MYO15A: variants seen among roughly 807,000 people sequenced by gnomAD.
The protein encoded by MYO15A is unconventional myosin-XV.
A neutral mutation model predicts 394.6 loss-of-function variants in MYO15A; 308 were observed. The observed-to-expected ratio is 0.78, with a 90% CI of 0.71 to 0.86. The LOEUF is 0.86. MYO15A is among the 40% of genes least tolerant of loss of function. The probability of loss-of-function intolerance (pLI) is 0.00; values close to 1 mark genes in which losing one functional copy is unlikely to be tolerated. For synonymous variants in MYO15A, 1,957 were observed against 2,003.8 expected (o/e 0.98, Z 0.62); for missense variants, 4,606 against 4,799.1 (o/e 0.96, Z 1.19).
intron 60 of MYO15A, chr17:18,164,901 A>C (rs2046830747): frequency 6.7e-6 from 1 of 148,870 alleles, no homozygotes; most frequent in Non-Finnish European, 1.5e-5. Flanking sequence ...GCACTCTGAG[A>C]GGCCGAGGCG....
chr17:18,121,164 C>A lies in MYO15A; in HGVS notation c.2364C>A (p.Tyr788Ter). 6.6e-7 allele frequency: 1 copy of A among 1,517,418 alleles called. No homozygotes were observed. Among genetic ancestry groups the A allele is most frequent in the Non-Finnish European group, 8.8e-7 (1 of 1,139,930 alleles). The allele number at this position is 1,517,418 out of a possible 1,614,324, so 94.0% of individuals were successfully genotyped here. The change falls in exon 2 of 66, where the codon TAC (tyrosine) becomes TAA (stop). Residue 788 changes from tyrosine to a stop codon, truncating the protein, a stop_gained. Coordinates refer to ENST00000647165, the MANE Select transcript of MYO15A (RefSeq NM_016239.4). LOFTEE classifies it high-confidence loss of function. The surrounding 1 kb of genome is among the most constrained non-coding windows in gnomAD (Gnocchi z 5.3). Reference sequence around the variant, plus strand: ...TGAGGAGCTCGCCGGGCCTCGGCTACTGCTCACCCTTGGCGCCCCCGTCGC... The same window carrying A: ...TGAGGAGCTCGCCGGGCCTCGGCTAATGCTCACCCTTGGCGCCCCCGTCGC... ...PSLRSSPGLG[Y>*]CSPLAPPSPQ... is the part of the protein sequence containing the mutation.
intron 65 of MYO15A, among the ~76,000 whole-genome samples, 200 bp downstream of exon 65, chr17:18,174,121 A>G (rs1386781563): frequency 6.6e-6 from 1 of 152,216 alleles, no homozygotes; most frequent in Non-Finnish European, 1.5e-5. Flanking sequence ...AACACAGGAA[A>G]GGGCAGTACG....
In MYO15A at chr17:18,148,357, T is replaced by G. The variant is rs1597800497; in HGVS notation, c.6692-139T>G. The G allele has an allele frequency of 6.9e-7, 1 of 1,447,996 alleles. No homozygotes were observed. 89.7% of individuals were successfully genotyped at this position (1,447,996 alleles called of 1,614,324 possible). ...CTGCGTGAAAGTCTGTGTGTGGGGG[T>G]GGGACCTGGCCCAGGAAAGGGGAGC... On this transcript the variant is annotated intron_variant, in intron 31 of 65. Transcript: ENST00000647165. This position sits in a 1 kb window ranked among gnomAD's most constrained non-coding sequence, Gnocchi z 4.8.
Position 18,119,403 on chromosome 17 carries a change from G to T in MYO15A, c.603G>T (p.Glu201Asp). 3.7e-6 allele frequency: 6 copies of T among 1,611,682 alleles called. No individual in the cohort carries two copies. The South Asian group carries it at 4.4e-5, about 12-fold the overall frequency. Residue 201 changes from glutamate to aspartate, a missense_variant, in exon 2 of 66, where the codon GAG becomes GAT. By Grantham distance (45) the Glu-to-Asp change is conservative. This residue lies in a region of MYO15A where 1,830 missense variants were observed against 1,689.7 expected (regional missense o/e 1.08). Coordinates refer to ENST00000647165, the MANE Select transcript of MYO15A (RefSeq NM_016239.4). ...GCCGCAGCATCTACGCGTCAGGCGA[G>T]CCCCTGGGCTTCCTGCCCTTCGAGG... is the stretch of plus-strand genomic sequence containing the variant. ...PRSRSIYASG[E>D]PLGFLPFEDE... is the part of the protein sequence containing the mutation.
chr17:18,121,224 G>A lies in MYO15A; in HGVS notation c.2424G>A (p.Pro808=). 3 of 1,487,428 alleles carry A rather than the reference G, an allele frequency of 2.0e-6. No individual in the cohort carries two copies. The highest frequency in any genetic ancestry group is 2.5e-5 in the South Asian group (2 of 80,090). The allele number at this position is 1,487,428 out of a possible 1,614,324, so 92.1% of individuals were successfully genotyped here. A position where few individuals can be genotyped will look rare whatever the true frequency, so the allele number is the denominator to read the frequency against. The part of the protein sequence containing the change: ...QLSLRTGPFQ[P]PFLPPARRPR... ...CCTTGCGCACGGGCCCCTTCCAGCC[G>A]CCCTTCCTGCCCCCGGCCCGCCGGC... The change falls in exon 2 of 66, where the codon CCG becomes CCA. Residue 808 remains proline, a synonymous_variant. Transcript: ENST00000647165. This position sits in a 1 kb window ranked among gnomAD's most constrained non-coding sequence, Gnocchi z 5.3.
At chr17:18,122,448 T>C in intron 2 of MYO15A, 39 bp downstream of exon 2, 2 of 1,594,022 alleles carry the variant, frequency 1.3e-6, no homozygotes, top group Non-Finnish European at 1.7e-6. Flanking sequence ...TTGAGGGTTC[T>C]GGCCTAGGAA....
Position 18,156,336 on chromosome 17 carries a change from G to A in MYO15A, c.8601G>A (p.Lys2867=), listed in dbSNP as rs2046674864. 1 of 1,614,148 alleles carries A rather than the reference G, an allele frequency of 6.2e-7. No individual in the cohort carries two copies. Among genetic ancestry groups the A allele is most frequent in the Non-Finnish European group, 8.5e-7 (1 of 1,180,014 alleles). The change falls in exon 48 of 66, where the codon AAG becomes AAA. Residue 2867 remains lysine (K), a splice_region_variant and synonymous_variant. Transcript: ENST00000647165. The part of the protein sequence containing the change: ...LVDDFILELK[K]DSDYVVAVRN... Reference sequence around the variant, plus strand: ...ATGACTTCATCTTGGAGCTGAAGAAGGTCAGGATCTTCTCACAGATCTTCC... The same window carrying A: ...ATGACTTCATCTTGGAGCTGAAGAAAGTCAGGATCTTCTCACAGATCTTCC...
intron 65 of MYO15A, among the ~76,000 whole-genome samples, chr17:18,175,080 CTTT>C (rs534149910): frequency 1.5e-5 from 2 of 133,340 alleles, no homozygotes; most frequent in African/African-American, 2.8e-5. Context: ...TCTCCTACCT[CTTT>C]TTTTTTTTTT....
chr17:18,133,513 T>G, intron 12 of MYO15A, 127 bp downstream of exon 12: 2 of 1,312,520 alleles, frequency 1.5e-6, no homozygotes, highest in South Asian at 1.5e-5. Context: ...TTTTTTCTTT[T>G]TTCCTTTGGG....
At position 18,150,910 on chromosome 17, in the gene MYO15A, A is replaced by G; in HGVS notation, c.7470A>G (p.Ala2490=). 6.2e-7 allele frequency: 1 copy of G among 1,603,050 alleles called. No individual in the cohort carries two copies. Among genetic ancestry groups the G allele is most frequent in the Non-Finnish European group, 8.5e-7 (1 of 1,175,120 alleles). The part of the protein sequence containing the change: ...PLSAALRSLP[A]EKPPAPEAQP... ...GTGCTGCCCTGAGATCCTTGCCCGC[A>G]GAGGTGAGCCTGGCCTGCCCAGGGT... Residue 2490 remains alanine, a synonymous_variant, in exon 38 of 66, where the codon GCA becomes GCG. Coordinates refer to ENST00000647165, the MANE Select transcript of MYO15A (RefSeq NM_016239.4). This position sits in a 1 kb window ranked among gnomAD's most constrained non-coding sequence, Gnocchi z 4.4.
At chr17:18,163,591 G>A (rs1183288021) in intron 59 of MYO15A, 151 bp from the exon 60 acceptor site, 2 of 788,516 alleles carry the variant, frequency 2.5e-6, no homozygotes, top group Admixed American at 4.2e-5. Context: ...TTCCCTGCCT[G>A]AGGCTGATTC....
chr17:18,173,238 T>A (rs1033669977), intron 64 of MYO15A, among the ~76,000 whole-genome samples: 1 of 152,158 alleles, frequency 6.6e-6, no homozygotes, highest in African/African-American at 2.4e-5. Flanking sequence ...AGGCATTAAC[T>A]CTCTATCACT....
chr17:18,143,530 C>T, intron 25 of MYO15A, 36 bp from the exon 26 acceptor site: 3 of 1,549,754 alleles, frequency 1.9e-6, no homozygotes, highest in Non-Finnish European at 2.6e-6. Flanking sequence ...TCACCTCTGC[C>T]TGCCACTCCC....
chr17:18,122,509 C>A, intron 2 of MYO15A, 100 bp downstream of exon 2: 1 of 1,479,334 alleles, frequency 6.8e-7, no homozygotes, highest in Non-Finnish European at 9.0e-7. Context: ...TGGAGAGAGG[C>A]TGCTTGCTGG....
At chr17:18,118,274 G>A (rs1421369759) in intron 1 of MYO15A, among the ~76,000 whole-genome samples, 1 of 152,196 alleles carries the variant, frequency 6.6e-6, no homozygotes, top group Non-Finnish European at 1.5e-5. Context: ...TCTCCTCCAA[G>A]ATGACTTGGT....
At chr17:18,127,330 G>A (rs1366197266) in intron 7 of MYO15A, among the ~76,000 whole-genome samples, 165 bp downstream of exon 7, 1 of 152,184 alleles carries the variant, frequency 6.6e-6, no homozygotes, top group Non-Finnish European at 1.5e-5. Context: ...CCCTTCCCAG[G>A]GGTGTGCCTG....
rs2046314987 is a variant in MYO15A at position 18,138,212 on chromosome 17, T to C, written c.4973T>C (p.Leu1658Pro). Residue 1658 changes from leucine (L) to proline (P), a missense_variant, in exon 17 of 66, where the codon CTG becomes CCG. Physicochemically the swap from Leu to Pro is moderately conservative, Grantham distance 98. Coordinates refer to ENST00000647165, the MANE Select transcript of MYO15A (RefSeq NM_016239.4). ...ATCTCACTGAAGCCTTATGGCATCC[T>C]GCGGATCCTTGACGACCAGTGTTGC... ...NLISLKPYGI[L>P]RILDDQCCFP... is the part of the protein sequence containing the mutation. 3 of 1,613,482 alleles carry C rather than the reference T, an allele frequency of 1.9e-6. No individual in the cohort carries two copies. Among genetic ancestry groups the C allele is most frequent in the Non-Finnish European group, 2.5e-6 (3 of 1,180,010 alleles).
Position 18,120,366 on chromosome 17 carries a change from T to G in MYO15A, c.1566T>G (p.Val522=), listed in dbSNP as rs1415253440. The G allele has an allele frequency of 6.2e-7, 1 of 1,611,928 alleles. No homozygotes were observed. Among genetic ancestry groups the G allele is most frequent in the African/African-American group, 1.3e-5 (1 of 74,940 alleles). The change falls in exon 2 of 66, where the codon GTT becomes GTG. Residue 522 remains valine, a synonymous_variant. Transcript: ENST00000647165. The part of the protein sequence containing the change: ...EEEDEEELPP[V]SAVPYGHPFW... ...AGGACGAGGAGGAGCTGCCCCCGGT[T>G]TCCGCTGTGCCCTACGGCCACCCTT...
intron 22 of MYO15A, 89 bp downstream of exon 22, chr17:18,141,232 C>T: frequency 6.3e-7 from 1 of 1,582,294 alleles, no homozygotes; most frequent in Non-Finnish European, 8.6e-7. Flanking sequence ...CAGTACAGGG[C>T]TTGCCATGCA....
Sources: allele counts gnomAD v4.1 joint callset (sites outside exome capture counted in the v4.1 genomes callset), GRCh38; gene constraint gnomAD v4.1.1; regional missense constraint gnomAD v4.1.1; non-coding constraint Gnocchi (gnomAD v3.1); transcripts MANE v1.5; gene names NCBI Gene and HGNC (gene_info 2026-07-23, HGNC 2026-07-21).